Variants in WWOX observed in about 807,000 individuals in gnomAD.
The protein encoded by WWOX is WW domain containing oxidoreductase, also known as WW domain-containing oxidoreductase.
WWOX carries 69 observed loss-of-function variants against 46.2 expected under a neutral mutation model. The observed-to-expected ratio is 1.49, with a 90% confidence interval of 1.23 to 1.82. The LOEUF is 1.82. Among genes scored for constraint, WWOX ranks in the 40% most tolerant of loss-of-function variants. The pLI, the probability that WWOX is intolerant of heterozygous loss-of-function variation, is 0.00. For missense variants in WWOX, 919 were observed against 542.6 expected (o/e 1.69, Z -6.89); for synonymous variants, 359 against 202.6 (o/e 1.77, Z -6.56).
intron 8 of WWOX, among the ~76,000 whole-genome samples, chr16:78,674,582 G>C (rs1445573758): frequency 6.6e-5 from 10 of 152,110 alleles, no homozygotes; most frequent in Admixed American, 6.6e-4. Flanking sequence ...ACAGCACCCA[G>C]CCAGAACTTC....
intron 8 of WWOX, among the ~76,000 whole-genome samples, chr16:78,548,406 C>T (rs531601262): frequency 6.6e-6 from 1 of 151,914 alleles, no homozygotes; most frequent in African/African-American, 2.4e-5. Context: ...TCCGAATTTT[C>T]TAAGTGATGA....
intron 8 of WWOX, among the ~76,000 whole-genome samples, chr16:79,088,353 A>AT (rs1349533966): frequency 3.9e-5 from 6 of 152,174 alleles, no homozygotes; most frequent in Admixed American, 3.9e-4. Context: ...AGCGGCAGGA[A>AT]TTTTGCAGCT....
intron 4 of WWOX, among the ~76,000 whole-genome samples, chr16:78,137,186 C>T (rs1463831815): frequency 1.3e-5 from 2 of 152,164 alleles, no homozygotes; most frequent in Non-Finnish European, 2.9e-5. Flanking sequence ...CTCCTGCAAC[C>T]AATAAGAGAG....
chr16:78,720,722 A>G (rs1373651025), intron 8 of WWOX, among the ~76,000 whole-genome samples: 1 of 151,996 alleles, frequency 6.6e-6, no homozygotes, highest in Non-Finnish European at 1.5e-5. Context: ...TACACTATAA[A>G]TTTCCACCGG....
intron 6 of WWOX, among the ~76,000 whole-genome samples, chr16:78,389,201 C>T (rs926149480): frequency 1.1e-4 from 17 of 152,196 alleles, no homozygotes; most frequent in African/African-American, 2.9e-4. Context: ...CCACCCTTTG[C>T]CAGAACTATC....
At chr16:78,277,058 G>A (rs182369373) in intron 5 of WWOX, among the ~76,000 whole-genome samples, 1 of 152,138 alleles carries the variant, frequency 6.6e-6, no homozygotes, top group African/African-American at 2.4e-5. Flanking sequence ...TGTTAAATTC[G>A]GTGTGGTCAG....
At chr16:78,902,229 C>T (rs1466764362) in intron 8 of WWOX, among the ~76,000 whole-genome samples, 1 of 152,202 alleles carries the variant, frequency 6.6e-6, no homozygotes, top group East Asian at 1.9e-4. Flanking sequence ...GTGTCAACAA[C>T]TTAGCCTGGT....
intron 5 of WWOX, among the ~76,000 whole-genome samples, chr16:78,223,806 T>G (rs879435130): frequency 3.4e-4 from 52 of 152,128 alleles, no homozygotes; most frequent in African/African-American, 1.2e-3. Context: ...TGGCGGAGTT[T>G]CCAAAACAGC....
chr16:78,628,402 T>C (rs1397851802), intron 8 of WWOX, among the ~76,000 whole-genome samples: 1 of 152,118 alleles, frequency 6.6e-6, no homozygotes, highest in Non-Finnish European at 1.5e-5. Context: ...ATTTACTAGG[T>C]CTGGGGTTGG....
intron 8 of WWOX, chr16:78,825,487 C>G: frequency 4.4e-6 from 2 of 458,506 alleles, no homozygotes; most frequent in Admixed American, 4.5e-5. Flanking sequence ...CTGGAATTGA[C>G]TGCTGTAGTT....
chr16:78,952,055 C>T (rs972442085), intron 8 of WWOX, among the ~76,000 whole-genome samples: 2 of 152,116 alleles, frequency 1.3e-5, no homozygotes, highest in Admixed American at 6.5e-5. Context: ...TAAAGACAGA[C>T]CCCTAATCAT....
intron 8 of WWOX, among the ~76,000 whole-genome samples, chr16:79,036,339 C>A (rs2047865998): frequency 6.6e-6 from 1 of 152,224 alleles, no homozygotes; most frequent in East Asian, 1.9e-4. Flanking sequence ...ATCACTCTTC[C>A]TGCATTCATT....
chr16:79,002,775 G>C (rs999792730), intron 8 of WWOX, among the ~76,000 whole-genome samples: 11 of 152,138 alleles, frequency 7.2e-5, no homozygotes, highest in Non-Finnish European at 1.5e-5. Context: ...AAGGGGAAAA[G>C]ACAGGGTTCA....
chr16:78,732,521 C>A (rs1244293629), intron 8 of WWOX, among the ~76,000 whole-genome samples: 1 of 152,098 alleles, frequency 6.6e-6, no homozygotes, highest in Admixed American at 6.5e-5. Flanking sequence ...ATTGCTGACC[C>A]ACAGAATTCA....
At chr16:78,793,839 G>T (rs1472500347) in intron 8 of WWOX, among the ~76,000 whole-genome samples, 1 of 152,004 alleles carries the variant, frequency 6.6e-6, no homozygotes, top group Non-Finnish European at 1.5e-5. Context: ...ACGTTGGGAG[G>T]CCGAGGCAGG....
chr16:78,904,630 C>G (rs559191117), intron 8 of WWOX, among the ~76,000 whole-genome samples: 2 of 152,246 alleles, frequency 1.3e-5, no homozygotes, highest in East Asian at 3.9e-4. Context: ...GCTATGATTA[C>G]AGTGACCACA....
At chr16:78,779,665 T>G (rs767240284) in intron 8 of WWOX, among the ~76,000 whole-genome samples, 1 of 152,198 alleles carries the variant, frequency 6.6e-6, no homozygotes, top group Non-Finnish European at 1.5e-5. Flanking sequence ...CAGTTCACAC[T>G]GCTGATCAGT....
At chr16:78,964,292 C>T (rs1383886675) in intron 8 of WWOX, among the ~76,000 whole-genome samples, 2 of 152,134 alleles carry the variant, frequency 1.3e-5, no homozygotes, top group Non-Finnish European at 2.9e-5. Context: ...AATGGCTTTG[C>T]CCAAAATGCT....
intron 8 of WWOX, among the ~76,000 whole-genome samples, chr16:78,934,482 C>T (rs1408826247): frequency 1.4e-5 from 2 of 139,464 alleles, no homozygotes; most frequent in Non-Finnish European, 3.0e-5. Flanking sequence ...GCACTGCAGC[C>T]TGGGCAACAG....
Sources: allele counts gnomAD v4.1 joint callset (sites outside exome capture counted in the v4.1 genomes callset), GRCh38; gene constraint gnomAD v4.1.1; transcripts MANE v1.5; gene names NCBI Gene and HGNC (gene_info 2026-07-23, HGNC 2026-07-21).